Variants in BCL2 observed in about 807,000 individuals in gnomAD.
BCL2 encodes the protein BCL2 apoptosis regulator.
BCL2 carries 1 observed loss-of-function variant against 14.2 expected under a neutral mutation model. The ratio of observed to expected loss-of-function variants is 0.07; its 90% CI spans 0.02 to 0.33. The LOEUF (loss-of-function observed/expected upper bound fraction) is 0.33, where lower values mean the gene tolerates loss of function less well. Among genes scored for constraint, BCL2 ranks in the 10% least tolerant of loss-of-function variants. The pLI is 0.99. For synonymous variants in BCL2, 151 were observed against 137.2 expected, an observed-to-expected ratio of 1.10 and a Z score of -0.70; for missense variants, 247 against 305.9, an observed-to-expected ratio of 0.81 and a Z score of 1.44.
Position 63,193,646 on chromosome 18 carries a change from A to C in BCL2, c.586-64887T>G, listed in dbSNP as rs531935830. On this transcript the variant is annotated intron_variant, in intron 2 of 2. Coordinates refer to ENST00000333681, the MANE Select transcript of BCL2 (RefSeq NM_000633.3). ...CACACATACAAATACACACACACAT[A>C]TATATACACATACATATATATACAC... is the stretch of plus-strand genomic sequence containing the variant. Among the ~76,000 whole-genome samples, 13 of 151,118 alleles carry C rather than the reference A, an allele frequency of 8.6e-5. No homozygotes were observed. The South Asian group carries it at 2.5e-3, about 29-fold the overall frequency.
intron 2 of BCL2, among the ~76,000 whole-genome samples, chr18:63,292,492 C>T (rs189120623): frequency 5.8e-4 from 88 of 152,236 alleles, no homozygotes; most frequent in African/African-American, 2.0e-3. Flanking sequence ...CTTTATACAG[C>T]GCACTCACAC....
At chr18:63,317,951 G>T in intron 2 of BCL2, 131 bp downstream of exon 2, 1 of 1,476,166 alleles carries the variant, frequency 6.8e-7, no homozygotes, top group Non-Finnish European at 9.0e-7. Context: ...AGGGACGCCG[G>T]GAAGCAACAA....
At chr18:63,256,465 C>T (rs1327315555) in intron 2 of BCL2, among the ~76,000 whole-genome samples, 1 of 152,216 alleles carries the variant, frequency 6.6e-6, no homozygotes, top group African/African-American at 2.4e-5. Flanking sequence ...GATCTGCCCG[C>T]CTTGACCTCC....
chr18:63,317,686 G>A (rs1913539865), intron 2 of BCL2: 3 of 1,060,356 alleles, frequency 2.8e-6, no homozygotes, highest in Non-Finnish European at 3.4e-6. Flanking sequence ...ACCCAACCTG[G>A]TATCTGGTTC....
intron 2 of BCL2, chr18:63,315,378 T>G (rs1268509143): frequency 6.6e-6 from 1 of 152,274 alleles, no homozygotes; most frequent in Non-Finnish European, 1.5e-5. Flanking sequence ...TTATTTAATT[T>G]GTAGTCTTCT....
chr18:63,186,087 A>G (rs900408518), intron 2 of BCL2, among the ~76,000 whole-genome samples: 2 of 152,228 alleles, frequency 1.3e-5, no homozygotes, highest in African/African-American at 4.8e-5. Flanking sequence ...TTTTGGTTTC[A>G]GTTAATATAT....
At chr18:63,174,090 C>G (rs975836391) in intron 2 of BCL2, among the ~76,000 whole-genome samples, 1 of 152,116 alleles carries the variant, frequency 6.6e-6, no homozygotes, top group African/African-American at 2.4e-5. Flanking sequence ...ACACACACAT[C>G]TATAATACTA....
At chr18:63,190,182 T>C (rs1213452008) in intron 2 of BCL2, among the ~76,000 whole-genome samples, 1 of 152,158 alleles carries the variant, frequency 6.6e-6, no homozygotes, top group Non-Finnish European at 1.5e-5. Flanking sequence ...TAATTTCCCA[T>C]CATTCTCCCT....
At chr18:63,185,859 T>C (rs1939575589) in intron 2 of BCL2, among the ~76,000 whole-genome samples, 1 of 152,220 alleles carries the variant, frequency 6.6e-6, no homozygotes, top group African/African-American at 2.4e-5. Flanking sequence ...GTCCTGAGTT[T>C]GGAATGCTAA....
intron 2 of BCL2, among the ~76,000 whole-genome samples, chr18:63,193,524 C>T (rs942278001): frequency 6.6e-6 from 1 of 151,500 alleles, no homozygotes; most frequent in African/African-American, 2.4e-5. Flanking sequence ...AGCATGATGT[C>T]CTCAAGAATC....
At chr18:63,299,943 G>A (rs1291133242) in intron 2 of BCL2, among the ~76,000 whole-genome samples, 2 of 151,822 alleles carry the variant, frequency 1.3e-5, no homozygotes, top group African/African-American at 4.8e-5. Flanking sequence ...TTGTGTGTCT[G>A]TTTCCCCAGG....
intron 2 of BCL2, among the ~76,000 whole-genome samples, chr18:63,296,003 T>G (rs1454944317): frequency 1.3e-5 from 2 of 152,108 alleles, no homozygotes; most frequent in Admixed American, 6.5e-5. Flanking sequence ...CCTTCCCCAA[T>G]GGGCCTCAAA....
intron 2 of BCL2, among the ~76,000 whole-genome samples, chr18:63,184,833 T>C (rs951914769): frequency 6.6e-6 from 1 of 152,202 alleles, no homozygotes; most frequent in African/African-American, 2.4e-5. Flanking sequence ...AAGTCTTTCT[T>C]GGCCACTTCT....
At chr18:63,170,999 G>C (rs746929091) in intron 2 of BCL2, among the ~76,000 whole-genome samples, 1 of 152,086 alleles carries the variant, frequency 6.6e-6, no homozygotes, top group African/African-American at 2.4e-5. Flanking sequence ...GATTAGAAAA[G>C]GAACGATTTA....
intron 2 of BCL2, among the ~76,000 whole-genome samples, chr18:63,158,138 A>T (rs962348054): frequency 1.3e-5 from 2 of 152,080 alleles, no homozygotes; most frequent in Non-Finnish European, 2.9e-5. Flanking sequence ...GAGGCTCGGG[A>T]GGCACCACTC....
At chr18:63,214,159 A>G (rs1370811386) in intron 2 of BCL2, among the ~76,000 whole-genome samples, 1 of 152,198 alleles carries the variant, frequency 6.6e-6, no homozygotes, top group Non-Finnish European at 1.5e-5. Context: ...GGAGAGGGGC[A>G]GAACAGACAA....
At chr18:63,197,345 G>T (rs113685915) in intron 2 of BCL2, among the ~76,000 whole-genome samples, 1 of 152,142 alleles carries the variant, frequency 6.6e-6, no homozygotes, top group South Asian at 2.1e-4. Context: ...AGGTGTTCAG[G>T]GCTCAGACAG....
intron 2 of BCL2, among the ~76,000 whole-genome samples, chr18:63,219,911 C>T (rs972876919): frequency 7.9e-5 from 12 of 152,122 alleles, no homozygotes; most frequent in Non-Finnish European, 1.3e-4. Context: ...CGGTAAAATC[C>T]GTATGTTTCA....
intron 2 of BCL2, among the ~76,000 whole-genome samples, chr18:63,255,004 G>C (rs1317677286): frequency 6.6e-6 from 1 of 152,214 alleles, no homozygotes; most frequent in Non-Finnish European, 1.5e-5. Flanking sequence ...TTGGATTGCA[G>C]AGCTCACTGC....
Sources: gnomAD v4.1 joint callset for allele counts (sites outside exome capture counted in the v4.1 genomes callset) on GRCh38, gnomAD v4.1.1 for gene constraint, MANE v1.5 for transcripts, NCBI Gene and HGNC (gene_info 2026-07-23, HGNC 2026-07-21) for gene names.